The following NWD2 variants were observed in gnomAD, a reference collection of about 807,000 sequenced individuals.
NWD2 encodes the protein NACHT and WD repeat domain-containing protein 2.
In NWD2, 37 loss-of-function variants were observed where a neutral mutation model predicts 132.7. The observed-to-expected ratio is 0.28, with a 90% CI of 0.21 to 0.37. The LOEUF is 0.37. Ranked by LOEUF, NWD2 falls within the 10% of genes least tolerant of loss-of-function variation. NWD2 has a pLI of 1.00. For missense variants in NWD2, 1,592 were observed against 2,122.4 expected (o/e 0.75, Z 4.91); for synonymous variants, 705 against 803.0 (o/e 0.88, Z 2.06).
chr4:37,293,441 A>G (rs1335577629), intron 1 of NWD2, among the ~76,000 whole-genome samples: 2 of 152,244 alleles, frequency 1.3e-5, no homozygotes, highest in Non-Finnish European at 2.9e-5. Flanking sequence ...AAAGCAAATC[A>G]AAACCATGCT....
chr4:37,398,123 C>T (rs1467683495), intron 3 of NWD2, among the ~76,000 whole-genome samples: 31 of 152,220 alleles, frequency 2.0e-4, no homozygotes. Context: ...TCTATTCAAA[C>T]ATCAGTTAAT....
rs1222838555 is a variant in NWD2 at position 37,393,509 on chromosome 4, T to G, written c.357+37027T>G. Among the ~76,000 whole-genome samples the G allele has an allele frequency of 6.2e-4, 94 of 152,272 alleles. 2 individuals are homozygous for G. Among genetic ancestry groups the G allele is most frequent in the Admixed American group, 6.1e-3 (94 of 15,294 alleles). ...TCAATATAAGTACAACTGGAAAGTT[T>G]CCAAAGAAGATGGTCCAGACATACT... is the stretch of plus-strand genomic sequence containing the variant. On this transcript the variant is annotated intron_variant, in intron 3 of 6. Transcript: ENST00000309447.
intron 2 of NWD2, among the ~76,000 whole-genome samples, chr4:37,327,315 G>A (rs187691568): frequency 4.6e-5 from 7 of 152,194 alleles, no homozygotes; most frequent in Non-Finnish European, 2.9e-5. Flanking sequence ...GATTAGCTGA[G>A]GGAGAAAGAG....
chr4:37,431,492 T>C (rs1205448243), intron 4 of NWD2, among the ~76,000 whole-genome samples: 7 of 151,832 alleles, frequency 4.6e-5, no homozygotes, highest in Non-Finnish European at 8.8e-5. Flanking sequence ...TAACAGAGAG[T>C]AGAAGTGTAT....
intron 1 of NWD2, among the ~76,000 whole-genome samples, chr4:37,323,857 CAA>C (rs33925291): frequency 6.8e-6 from 1 of 146,790 alleles, no homozygotes; most frequent in African/African-American, 2.5e-5. Flanking sequence ...ACTACACAGC[CAA>C]AAAAAAAAAA....
At chr4:37,418,709 T>C (rs758736344) in intron 3 of NWD2, among the ~76,000 whole-genome samples, 29 of 152,154 alleles carry the variant, frequency 1.9e-4, no homozygotes, top group Non-Finnish European at 3.2e-4. Flanking sequence ...TCAAATGGTA[T>C]TTCTGGTTCT....
At chr4:37,252,205 A>G (rs1485678083) in intron 1 of NWD2, among the ~76,000 whole-genome samples, 2 of 152,236 alleles carry the variant, frequency 1.3e-5, no homozygotes, top group Non-Finnish European at 2.9e-5. Context: ...CATTCAGCAG[A>G]AAGCTTTTAT....
chr4:37,271,180 C>T (rs923237642), intron 1 of NWD2, among the ~76,000 whole-genome samples: 1 of 151,752 alleles, frequency 6.6e-6, no homozygotes, highest in African/African-American at 2.4e-5. Context: ...TAGTGTAAGT[C>T]CATCCACTCT....
intron 3 of NWD2, among the ~76,000 whole-genome samples, chr4:37,397,164 G>A (rs1720812469): frequency 6.6e-6 from 1 of 152,148 alleles, no homozygotes; most frequent in African/African-American, 2.4e-5. Context: ...CCACTTTTTA[G>A]TCAGCCCAGC....
At chr4:37,289,448 CTT>C (rs1404200836) in intron 1 of NWD2, among the ~76,000 whole-genome samples, 4 of 152,268 alleles carry the variant, frequency 2.6e-5, no homozygotes, top group African/African-American at 9.6e-5. Flanking sequence ...ACAGTAAACA[CTT>C]ATATACTTAC....
intron 1 of NWD2, among the ~76,000 whole-genome samples, chr4:37,309,597 G>T (rs946316938): frequency 1.3e-5 from 2 of 152,044 alleles, no homozygotes; most frequent in African/African-American, 4.8e-5. Flanking sequence ...GAGAATGGCT[G>T]GGGGGAGGTG....
chr4:37,371,735 C>CT (rs1255006106), intron 3 of NWD2, among the ~76,000 whole-genome samples: 1 of 152,150 alleles, frequency 6.6e-6, no homozygotes, highest in Admixed American at 6.6e-5. Flanking sequence ...GTGTCTTCTA[C>CT]TTTTTTTATT....
chr4:37,412,254 A>G (rs909418749), intron 3 of NWD2, among the ~76,000 whole-genome samples: 2 of 152,224 alleles, frequency 1.3e-5, no homozygotes, highest in Non-Finnish European at 2.9e-5. Flanking sequence ...TCAGCCCAAA[A>G]TCTCCTTAAA....
At chr4:37,323,709 G>A (rs1216817702) in intron 1 of NWD2, among the ~76,000 whole-genome samples, 1 of 152,060 alleles carries the variant, frequency 6.6e-6, no homozygotes, top group Non-Finnish European at 1.5e-5. Context: ...AAGAGAAATA[G>A]ATCATTATAC....
intron 1 of NWD2, among the ~76,000 whole-genome samples, chr4:37,251,145 G>T (rs1656195): frequency 6.6e-6 from 1 of 151,942 alleles, no homozygotes; most frequent in South Asian, 2.1e-4. Context: ...TGAGCATGGT[G>T]GTGGGCGCCT....
chr4:37,245,340 G>C lies in NWD2; in HGVS notation c.151+122G>C, dbSNP rs759532232. 4.2e-6 allele frequency: 5 copies of C among 1,204,470 alleles called. No homozygotes were observed. The South Asian group carries it at 8.2e-5, about 20-fold the overall frequency. The allele number at this position is 1,204,470 out of a possible 1,614,324, so 74.6% of individuals were successfully genotyped here. A position where few individuals can be genotyped will look rare whatever the true frequency, so the allele number is the denominator to read the frequency against. Reference sequence around the variant, plus strand: ...GCGCTCCCTTCCTCCAGCTAAAGCCGTGGCCGCCCTGAGCGCGTGGGAATT... The same window carrying C: ...GCGCTCCCTTCCTCCAGCTAAAGCCCTGGCCGCCCTGAGCGCGTGGGAATT... On this transcript the variant is annotated intron_variant, in intron 1 of 6. Transcript: ENST00000309447.
intron 3 of NWD2, among the ~76,000 whole-genome samples, chr4:37,417,350 C>A (rs1577696808): frequency 6.7e-6 from 1 of 149,558 alleles, no homozygotes; most frequent in African/African-American, 2.5e-5. Context: ...AGAGCCATTG[C>A]AAAAAAAATG....
At chr4:37,294,273 T>TAAA (rs1718430170) in intron 1 of NWD2, among the ~76,000 whole-genome samples, 1 of 152,188 alleles carries the variant, frequency 6.6e-6, no homozygotes, top group East Asian at 1.9e-4. Context: ...TTTTTATCTT[T>TAAA]AATGTGCCAC....
intron 2 of NWD2, among the ~76,000 whole-genome samples, chr4:37,334,902 A>G (rs1453533366): frequency 1.3e-5 from 2 of 151,880 alleles, no homozygotes; most frequent in East Asian, 3.9e-4. Context: ...TACCTCCCTA[A>G]ATACTTCTCC....
Sources: gnomAD v4.1 joint callset for allele counts (sites outside exome capture counted in the v4.1 genomes callset) on GRCh38, gnomAD v4.1.1 for gene constraint, MANE v1.5 for transcripts, NCBI Gene and HGNC (gene_info 2026-07-23, HGNC 2026-07-21) for gene names.